FKBP1A: variants seen among roughly 807,000 people sequenced by gnomAD.
FKBP1A encodes peptidyl-prolyl cis-trans isomerase FKBP1A.
FKBP1A carries 5 observed loss-of-function variants against 14.2 expected under a neutral mutation model. The observed-to-expected ratio is 0.35, with a 90% CI of 0.18 to 0.74. FKBP1A has a LOEUF of 0.74. FKBP1A is among the 30% of genes least tolerant of loss of function. The probability of loss-of-function intolerance (pLI) is 0.56; values close to 1 mark genes in which losing one functional copy is unlikely to be tolerated. For missense variants in FKBP1A, 53 were observed against 138.8 expected (o/e 0.38, Z 3.10); for synonymous variants, 42 against 49.1 (o/e 0.86, Z 0.60).
intron 4 of FKBP1A, chr20:1,370,601 T>C: frequency 1.0e-6 from 1 of 985,466 alleles, no homozygotes; most frequent in Non-Finnish European, 1.2e-6. Context: ...TATTCATTCA[T>C]TCACTCAACT....
Position 1,379,797 on chromosome 20 carries a change from T to C in FKBP1A, c.86-4194A>G, listed in dbSNP as rs2089596450. On this transcript the variant is annotated intron_variant, in intron 2 of 4. Transcript: ENST00000400137. The surrounding 1 kb of genome is among the most constrained non-coding windows in gnomAD (Gnocchi z 4.3). ...ATCCCCCGAAATGGGTGGGGTGGTA[T>C]GTGATTAAGTGGGTGTCACACAACT... 6.6e-6 allele frequency among the ~76,000 whole-genome samples: 1 copy of C among 152,110 alleles called. No homozygotes were observed. Among genetic ancestry groups the C allele is most frequent in the Non-Finnish European group, 1.5e-5 (1 of 68,018 alleles).
chr20:1,385,111 C>T (rs544146591), intron 2 of FKBP1A, among the ~76,000 whole-genome samples: 55 of 152,244 alleles, frequency 3.6e-4, no homozygotes, highest in African/African-American at 8.2e-4. Context: ...ACCACTAGGC[C>T]GGGTGCAGTG....
intron 2 of FKBP1A, among the ~76,000 whole-genome samples, chr20:1,382,936 T>C (rs2089632581): frequency 6.6e-6 from 1 of 152,174 alleles, no homozygotes; most frequent in South Asian, 2.1e-4. Context: ...AGCAGCCTGC[T>C]CTTTCCTGTT....
intron 4 of FKBP1A, chr20:1,370,778 G>A (rs975991516): frequency 2.0e-6 from 2 of 985,176 alleles, no homozygotes; most frequent in African/African-American, 3.5e-5. Flanking sequence ...TTCCCAACCA[G>A]GAAAATAATT....
intron 2 of FKBP1A, chr20:1,378,059 C>T (rs1312175349): frequency 1.3e-5 from 2 of 152,208 alleles, no homozygotes; most frequent in African/African-American, 4.8e-5. Context: ...TCAGTTTGGG[C>T]ACTACTTTAC....
intron 2 of FKBP1A, among the ~76,000 whole-genome samples, chr20:1,383,686 A>AAT (rs2089640729): frequency 2.3e-5 from 3 of 130,448 alleles, no homozygotes; most frequent in Admixed American, 1.6e-4. Context: ...CAAAAAATTA[A>AAT]AAAAAAAAAA....
At chr20:1,391,459 T>C in intron 2 of FKBP1A, 1 of 387,510 alleles carries the variant, frequency 2.6e-6, no homozygotes, top group Non-Finnish European at 4.5e-6. Flanking sequence ...GACTGCCTGC[T>C]CCCCAGAAAG....
chr20:1,385,976 C>T (rs2089665354), intron 2 of FKBP1A, among the ~76,000 whole-genome samples: 1 of 151,938 alleles, frequency 6.6e-6, no homozygotes, highest in Non-Finnish European at 1.5e-5. Flanking sequence ...TTATACACAA[C>T]AGTCTTGCTT....
intron 2 of FKBP1A, among the ~76,000 whole-genome samples, chr20:1,382,709 A>G (rs919699867): frequency 6.6e-6 from 1 of 152,208 alleles, no homozygotes; most frequent in Non-Finnish European, 1.5e-5. Context: ...ACTTTACTTT[A>G]AGCACCTTTA....
chr20:1,379,908 G>C lies in FKBP1A; in HGVS notation c.86-4305C>G, dbSNP rs1193239521. ...ATCTATGGCCCTAAGTTGTCAGCCT[G>C]GGGGAGAAGGTGGAAGCAGTGTTTG... On this transcript the variant is annotated intron_variant, in intron 2 of 4. Coordinates refer to ENST00000400137, the MANE Select transcript of FKBP1A (RefSeq NM_000801.5). The surrounding 1 kb of genome is among the most constrained non-coding windows in gnomAD (Gnocchi z 4.3). Among the ~76,000 whole-genome samples the C allele has an allele frequency of 1.3e-5, 2 of 152,270 alleles. No individual in the cohort carries two copies. Among genetic ancestry groups the C allele is most frequent in the East Asian group, 3.9e-4 (2 of 5,162 alleles).
chr20:1,370,612 T>TA lies in FKBP1A; in HGVS notation c.*37-541dup. On this transcript the variant is annotated intron_variant, in intron 4 of 4. Coordinates refer to ENST00000400137, the MANE Select transcript of FKBP1A (RefSeq NM_000801.5). ...CCAGTATTCATTCATTCACTCAACT[T>TA]AAAACTTTCTGGGTTTGCCCTTGGA... 6.1e-6 allele frequency: 6 copies of TA among 985,438 alleles called. No homozygotes were observed. The South Asian group carries it at 2.8e-4, about 46-fold the overall frequency. 61.0% of individuals were successfully genotyped at this position (985,438 alleles called of 1,614,324 possible). A position where few individuals can be genotyped will look rare whatever the true frequency, so the allele number is the denominator to read the frequency against.
chr20:1,376,125 G>A (rs2089540022), intron 2 of FKBP1A, among the ~76,000 whole-genome samples: 1 of 152,082 alleles, frequency 6.6e-6, no homozygotes, highest in African/African-American at 2.4e-5. Context: ...GGGCTCCTCT[G>A]TGGTTCACTA....
chr20:1,392,335 C>T (rs2089747834), intron 2 of FKBP1A, among the ~76,000 whole-genome samples: 2 of 152,184 alleles, frequency 1.3e-5, no homozygotes, highest in Non-Finnish European at 2.9e-5. Context: ...TTCCGAGTTC[C>T]CCGGAGGAAG....
chr20:1,370,705 G>A (rs2089452611), intron 4 of FKBP1A: 9 of 985,408 alleles, frequency 9.1e-6, no homozygotes, highest in South Asian at 4.7e-5. Context: ...GTTACTCGGG[G>A]TGACTTGTAG....
At chr20:1,384,905 G>T (rs1484133396) in intron 2 of FKBP1A, among the ~76,000 whole-genome samples, 1 of 152,158 alleles carries the variant, frequency 6.6e-6, no homozygotes, top group Non-Finnish European at 1.5e-5. Context: ...AATCCCTTTA[G>T]ATCCTATAAC....
At chr20:1,372,822 C>T (rs1484002942) in intron 3 of FKBP1A, among the ~76,000 whole-genome samples, 2 of 152,164 alleles carry the variant, frequency 1.3e-5, no homozygotes, top group Non-Finnish European at 2.9e-5. Flanking sequence ...ATGCCTACAA[C>T]AGAAAACATC....
intron 2 of FKBP1A, among the ~76,000 whole-genome samples, chr20:1,383,854 G>GGT (rs1333999032): frequency 1.0e-3 from 145 of 143,920 alleles, no homozygotes; most frequent in African/African-American, 3.7e-3. Flanking sequence ...AAAAAAAAAA[G>GGT]GTGTAATGGT....
At chr20:1,388,747 T>TGGGGGGGGGGTG in intron 2 of FKBP1A, among the ~76,000 whole-genome samples, 1 of 104,860 alleles carries the variant, frequency 9.5e-6, no homozygotes, top group South Asian at 2.7e-4. Flanking sequence ...GAGCGTGGGT[T>TGGGGGGGGGGTG]GGGGGGGCGG....
In FKBP1A at chr20:1,393,002, G is replaced by C. The variant is rs1175405810; in HGVS notation, c.-4C>G. ...TGGTTTCCACCTGCACTCCCATGGC[G>C]GCGGCGGACGCTGAGCGGGCGGGCG... On this transcript the variant is annotated 5_prime_UTR_variant, in exon 1 of 5. Transcript: ENST00000400137. The C allele has an allele frequency of 6.8e-7, 1 of 1,468,972 alleles. No individual in the cohort carries two copies. Among genetic ancestry groups the C allele is most frequent in the Non-Finnish European group, 9.0e-7 (1 of 1,115,298 alleles). The allele number at this position is 1,468,972 out of a possible 1,614,324, so 91.0% of individuals were successfully genotyped here.
Sources: allele counts gnomAD v4.1 joint callset (sites outside exome capture counted in the v4.1 genomes callset), GRCh38; gene constraint gnomAD v4.1.1; non-coding constraint Gnocchi (gnomAD v3.1); transcripts MANE v1.5; gene names NCBI Gene and HGNC (gene_info 2026-07-23, HGNC 2026-07-21).